The following NHSL2 variants were observed in gnomAD, a reference collection of about 807,000 sequenced individuals.
The protein encoded by NHSL2 is NHS like 2.
A neutral mutation model predicts 53.4 loss-of-function variants in NHSL2; 27 were observed. That is an observed-to-expected ratio of 0.51 (90% confidence interval 0.37 to 0.70). The LOEUF is 0.70. NHSL2 is among the 30% of genes least tolerant of loss of function. The probability of loss-of-function intolerance (pLI) is 0.00; values close to 1 mark genes in which losing one functional copy is unlikely to be tolerated. For synonymous variants in NHSL2, 408 were observed against 404.1 expected, an observed-to-expected ratio of 1.01 and a Z score of -0.12; for missense variants, 892 against 980.1, an observed-to-expected ratio of 0.91 and a Z score of 1.20.
Position 71,974,008 on chromosome X carries a change from T to A in NHSL2, c.280+62641T>A, listed in dbSNP as rs1007771056. On this transcript the variant is annotated intron_variant, in intron 1 of 7. Transcript: ENST00000633930. The stretch of plus-strand genomic sequence containing the variant: ...ACTGGAGCAGGTCATGGCTCAGATG[T>A]CACAGACTGTATCTGTTCTTACCAA... Among the ~76,000 whole-genome samples the A allele has an allele frequency of 2.7e-5, 3 of 112,193 alleles. No individual in the cohort carries two copies. In the Admixed American group the frequency reaches 2.8e-4, roughly 11 times the overall value.
At chrX:71,927,775 T>C (rs1569463452) in intron 1 of NHSL2, among the ~76,000 whole-genome samples, 2 of 110,684 alleles carry the variant, frequency 1.8e-5, no homozygotes, top group Non-Finnish European at 3.8e-5. Flanking sequence ...GCCAGGCTGG[T>C]CTTGAACTCC....
intron 1 of NHSL2, among the ~76,000 whole-genome samples, chrX:72,045,166 G>A (rs1356871502): frequency 3.6e-5 from 4 of 111,890 alleles, no homozygotes; most frequent in Non-Finnish European, 7.5e-5. Context: ...ATGAGAAGCA[G>A]TCTGAATACA....
chrX:72,064,815 G>C (rs978788814), intron 1 of NHSL2, among the ~76,000 whole-genome samples: 1 of 112,309 alleles, frequency 8.9e-6, no homozygotes, highest in African/African-American at 3.2e-5. Context: ...CTCTCTCTTT[G>C]ATAGAACTGG....
rs1484132097 is a variant in NHSL2, at chrX:72,148,058, A to T, written c.*4484A>T. 1 of 112,042 alleles carries T rather than the reference A, an allele frequency of 8.9e-6. No homozygotes were observed. The highest frequency in any genetic ancestry group is 1.9e-5 in the Non-Finnish European group (1 of 53,284). 9.2% of individuals were successfully genotyped at this position (112,042 alleles called of 1,213,427 possible). A position where few individuals can be genotyped will look rare whatever the true frequency, so the allele number is the denominator to read the frequency against. ...TGATGGTCAATTAAATTGTCCTGAT[A>T]TCCAATGCTATTCAATATGGTTACT... On this transcript the variant is annotated 3_prime_UTR_variant, in exon 8 of 8. Transcript: ENST00000633930.
intron 4 of NHSL2, among the ~76,000 whole-genome samples, chrX:72,136,279 T>A (rs191523352): frequency 1.1e-3 from 121 of 111,999 alleles, no homozygotes; most frequent in African/African-American, 2.8e-3. Context: ...AAAATTTTTT[T>A]AATAATATTA....
At chrX:71,983,436 C>T (rs1300572149) in intron 1 of NHSL2, among the ~76,000 whole-genome samples, 1 of 71,244 alleles carries the variant, frequency 1.4e-5, no homozygotes, top group African/African-American at 3.8e-5. Context: ...GAGACCCCAC[C>T]TCTACAAAAA....
intron 1 of NHSL2, among the ~76,000 whole-genome samples, chrX:71,922,213 C>T (rs1201810191): frequency 1.8e-5 from 2 of 112,280 alleles, no homozygotes; most frequent in East Asian, 5.6e-4. Context: ...TAGGCCAACA[C>T]TCACCCAGAG....
At chrX:72,143,167 G>T in intron 7 of NHSL2, 86 bp from the exon 8 acceptor site, 1 of 649,861 alleles carries the variant, frequency 1.5e-6, no homozygotes, top group African/African-American at 2.2e-5. Context: ...CTGCCGCCTG[G>T]ATTGTGTCAC....
chrX:71,991,737 A>G (rs1278240784), intron 1 of NHSL2, among the ~76,000 whole-genome samples: 1 of 112,054 alleles, frequency 8.9e-6, no homozygotes, highest in Non-Finnish European at 1.9e-5. Context: ...TCCTTTCCAG[A>G]ACAAAGTGCT....
chrX:71,993,055 G>A (rs1331615377), intron 1 of NHSL2, among the ~76,000 whole-genome samples: 4 of 112,332 alleles, frequency 3.6e-5, no homozygotes, highest in Non-Finnish European at 7.5e-5. Context: ...CTAGATGGGA[G>A]GGGCGGGAAC....
intron 1 of NHSL2, among the ~76,000 whole-genome samples, chrX:71,944,130 A>G (rs2041781738): frequency 8.9e-6 from 1 of 112,503 alleles, no homozygotes; most frequent in South Asian, 3.7e-4. Context: ...GTGTGGACTG[A>G]GAGACTTGGC....
At chrX:71,936,031 G>T (rs2041736500) in intron 1 of NHSL2, among the ~76,000 whole-genome samples, 1 of 111,985 alleles carries the variant, frequency 8.9e-6, no homozygotes, top group Non-Finnish European at 1.9e-5. Flanking sequence ...GGAGGTAAAG[G>T]CACACACAGG....
rs540901458 is a variant in NHSL2, at chrX:72,053,644, A to G, written c.281-78435A>G. ...TCGCCATGCACATGTCTTTGCCTTC[A>G]GTTCCAATTTTTGTATGCTGTCTGA... On this transcript the variant is annotated intron_variant, in intron 1 of 7. Transcript: ENST00000633930. 3.6e-5 allele frequency among the ~76,000 whole-genome samples: 4 copies of G among 111,128 alleles called. No homozygotes were observed. In the South Asian group the frequency reaches 1.5e-3, roughly 43 times the overall value.
At chrX:72,134,401 T>C (rs1431260000) in intron 3 of NHSL2, 108 bp from the exon 4 acceptor site, 1 of 850,034 alleles carries the variant, frequency 1.2e-6, no homozygotes, top group Non-Finnish European at 1.7e-6. Context: ...CACGCTTTCC[T>C]GCCTCCCAGA....
chrX:72,116,139 T>C (rs1443530053), intron 1 of NHSL2, among the ~76,000 whole-genome samples: 4 of 111,701 alleles, frequency 3.6e-5, no homozygotes, highest in African/African-American at 1.3e-4. Context: ...ATCTGTAAAA[T>C]GAGGGAAATA....
At chrX:71,972,425 TGTCATCTCAATAC>T in intron 1 of NHSL2, among the ~76,000 whole-genome samples, 1 of 112,834 alleles carries the variant, frequency 8.9e-6, no homozygotes, top group Non-Finnish European at 1.9e-5. Context: ...ATTTTGAATA[TGTCATCTCAATAC>T]CTTCTGCTCT....
At chrX:72,107,367 T>G (rs1334125110) in intron 1 of NHSL2, among the ~76,000 whole-genome samples, 1 of 112,646 alleles carries the variant, frequency 8.9e-6, no homozygotes, top group East Asian at 2.8e-4. Flanking sequence ...CTGGTCCCAA[T>G]GGATGAATCA....
rs748599669 is a variant in NHSL2 at position 72,148,443 on chromosome X, A to G, written c.*4869A>G. 3 of 111,538 alleles carry G rather than the reference A, an allele frequency of 2.7e-5. No homozygotes were observed. Among genetic ancestry groups the G allele is most frequent in the East Asian group, 5.6e-4 (2 of 3,570 alleles). 9.2% of individuals were successfully genotyped at this position (111,538 alleles called of 1,213,427 possible). On this transcript the variant is annotated 3_prime_UTR_variant, in exon 8 of 8. Coordinates refer to ENST00000633930, the MANE Select transcript of NHSL2 (RefSeq NM_001013627.3). ...GACTATATCTATACCACAGCCCCCA[A>G]TCCTTTCAAAGGCTTTGCATGTATT...
chrX:72,056,594 T>A (rs1195130225), intron 1 of NHSL2, among the ~76,000 whole-genome samples: 1 of 111,537 alleles, frequency 9.0e-6, no homozygotes, highest in Non-Finnish European at 1.9e-5. Context: ...ACACACAGAC[T>A]GGCATGTCCA....
Sources: gnomAD v4.1 joint callset for allele counts (sites outside exome capture counted in the v4.1 genomes callset) on GRCh38, gnomAD v4.1.1 for gene constraint, MANE v1.5 for transcripts, NCBI Gene and HGNC (gene_info 2026-07-23, HGNC 2026-07-21) for gene names.